DLG2: variants seen among roughly 807,000 people sequenced by gnomAD.
The protein encoded by DLG2 is disks large homolog 2.
Under a neutral mutation model 132.5 loss-of-function variants are expected in DLG2, and 45 were observed. The ratio of observed to expected loss-of-function variants is 0.34; its 90% CI spans 0.27 to 0.44. DLG2 has a LOEUF of 0.44. Among genes scored for constraint, DLG2 ranks in the 20% least tolerant of loss-of-function variants. DLG2 has a pLI of 1.00. For missense variants in DLG2, 1,045 were observed against 1,196.9 expected, an observed-to-expected ratio of 0.87 and a Z score of 1.87; for synonymous variants, 424 against 419.6, an observed-to-expected ratio of 1.01 and a Z score of -0.13.
Position 84,661,268 on chromosome 11 carries a change from T to G in DLG2, c.358-126537A>C, listed in dbSNP as rs147355039. ...GATGGTTTCTTGGCTTAAGGGCACT[T>G]GAATAAAAATGAAGGCTGAAAGCAT... On this transcript the variant is annotated intron_variant, in intron 6 of 27. Transcript: ENST00000376104. Among the ~76,000 whole-genome samples the G allele has an allele frequency of 1.5e-4, 23 of 152,234 alleles. No individual in the cohort carries two copies. The East Asian group carries it at 4.1e-3, about 27-fold the overall frequency.
chr11:84,360,853 A>T (rs1014654781), intron 7 of DLG2, among the ~76,000 whole-genome samples: 2 of 152,010 alleles, frequency 1.3e-5, no homozygotes, highest in Non-Finnish European at 2.9e-5. Context: ...AGCTAATTTT[A>T]AAAATGTGCT....
intron 11 of DLG2, among the ~76,000 whole-genome samples, chr11:84,045,513 T>G (rs935657933): frequency 9.2e-5 from 14 of 151,872 alleles, no homozygotes; most frequent in African/African-American, 3.1e-4. Flanking sequence ...AATATTCAAT[T>G]GTCTTATTCT....
intron 15 of DLG2, among the ~76,000 whole-genome samples, chr11:83,925,937 G>A (rs2078895393): frequency 6.6e-6 from 1 of 151,930 alleles, no homozygotes; most frequent in South Asian, 2.1e-4. Flanking sequence ...AGATAAGCAG[G>A]AGTCCCATAG....
At chr11:83,981,498 G>A (rs2092775738) in intron 11 of DLG2, among the ~76,000 whole-genome samples, 1 of 152,120 alleles carries the variant, frequency 6.6e-6, no homozygotes, top group Non-Finnish European at 1.5e-5. Context: ...CTGGAGTGCA[G>A]TGGTATGATT....
intron 7 of DLG2, among the ~76,000 whole-genome samples, chr11:84,502,729 T>C (rs1004595366): frequency 1.5e-4 from 23 of 152,040 alleles, no homozygotes; most frequent in African/African-American, 5.1e-4. Context: ...CTGAACACTT[T>C]CTAGTGAGTG....
chr11:84,648,424 C>A (rs899201076), intron 6 of DLG2, among the ~76,000 whole-genome samples: 2 of 152,102 alleles, frequency 1.3e-5, no homozygotes, highest in East Asian at 3.9e-4. Flanking sequence ...AAAATTTGTG[C>A]GAGAAATTGA....
chr11:84,733,520 G>T (rs1170310337), intron 6 of DLG2, among the ~76,000 whole-genome samples: 1 of 152,128 alleles, frequency 6.6e-6, no homozygotes, highest in African/African-American at 2.4e-5. Flanking sequence ...TCATTTCTTT[G>T]TAGATTCTGG....
chr11:83,800,417 A>G (rs1113082), intron 17 of DLG2, among the ~76,000 whole-genome samples: 108,760 of 152,156 alleles, frequency 0.71, 40,113 homozygotes, highest in African/African-American at 0.9. Flanking sequence ...AGCATGTTTC[A>G]GAGTGAGTGA....
chr11:84,468,381 GT>G (rs2099100089), intron 7 of DLG2, among the ~76,000 whole-genome samples: 1 of 151,308 alleles, frequency 6.6e-6, no homozygotes, highest in South Asian at 2.1e-4. Flanking sequence ...CCCACTCTCT[GT>G]TCTAGTCCTT....
In DLG2 at chr11:85,582,114, A is replaced by C. The variant is rs373019093; in HGVS notation, c.40+16543T>G. Among the ~76,000 whole-genome samples the C allele has an allele frequency of 5.3e-5, 8 of 152,332 alleles. No individual in the cohort carries two copies. The East Asian group carries it at 1.5e-3, about 29-fold the overall frequency. ...TTTGCCCCCCAATGAAGAGAAAAAC[A>C]AAGAAATTGAAGATGCATGCAAATT... On this transcript the variant is annotated intron_variant, in intron 3 of 27. Coordinates refer to ENST00000376104, the MANE Select transcript of DLG2 (RefSeq NM_001142699.3).
chr11:84,064,128 T>A (rs11233895), intron 10 of DLG2, among the ~76,000 whole-genome samples: 22,212 of 151,862 alleles, frequency 0.15, 2,349 homozygotes, highest in African/African-American at 0.3. Context: ...TATATATATA[T>A]AACAAAAAAA....
At chr11:83,753,828 T>TATATG (rs2093480901) in intron 18 of DLG2, among the ~76,000 whole-genome samples, 1 of 13,426 alleles carries the variant, frequency 7.4e-5, no homozygotes, top group African/African-American at 8.1e-4. Flanking sequence ...ATATTTCATA[T>TATATG]ATATATGATA....
At chr11:84,266,858 C>T (rs907367985) in intron 7 of DLG2, among the ~76,000 whole-genome samples, 4 of 152,188 alleles carry the variant, frequency 2.6e-5, no homozygotes, top group Non-Finnish European at 5.9e-5. Context: ...TAAGTATTCA[C>T]CATTCCATCT....
chr11:83,682,457 GT>G, intron 18 of DLG2: 2 of 984,924 alleles, frequency 2.0e-6, no homozygotes, highest in Non-Finnish European at 2.4e-6. Flanking sequence ...AGTAATTGGT[GT>G]TTGGGATGTA....
At chr11:84,366,519 A>G (rs2098683519) in intron 7 of DLG2, among the ~76,000 whole-genome samples, 1 of 152,150 alleles carries the variant, frequency 6.6e-6, no homozygotes, top group African/African-American at 2.4e-5. Flanking sequence ...ACAGACTGGC[A>G]AATTGGATAG....
chr11:84,812,402 A>C (rs1300600066), intron 6 of DLG2, among the ~76,000 whole-genome samples: 1 of 152,184 alleles, frequency 6.6e-6, no homozygotes, highest in South Asian at 2.1e-4. Context: ...AAAGCACAGA[A>C]TAGTATCTGA....
chr11:83,770,832 C>G (rs1284517835), intron 18 of DLG2, among the ~76,000 whole-genome samples: 1 of 152,122 alleles, frequency 6.6e-6, no homozygotes, highest in African/African-American at 2.4e-5. Flanking sequence ...AATATTTCAA[C>G]ATCAACAATC....
intron 6 of DLG2, among the ~76,000 whole-genome samples, chr11:84,706,881 T>C (rs1386396365): frequency 1.3e-5 from 2 of 151,748 alleles, no homozygotes; most frequent in Non-Finnish European, 2.9e-5. Flanking sequence ...TAAACGTAAA[T>C]ACAAAAAGTT....
At chr11:84,990,624 T>C (rs2154124874) in intron 6 of DLG2, among the ~76,000 whole-genome samples, 1 of 150,550 alleles carries the variant, frequency 6.6e-6, no homozygotes, top group East Asian at 2.0e-4. Flanking sequence ...CATCAGCCCT[T>C]AGAGAAATGC....
Sources: gnomAD v4.1 joint callset for allele counts (sites outside exome capture counted in the v4.1 genomes callset) on GRCh38, gnomAD v4.1.1 for gene constraint, MANE v1.5 for transcripts, NCBI Gene and HGNC (gene_info 2026-07-23, HGNC 2026-07-21) for gene names.